SETBP1: variants seen among roughly 807,000 people sequenced by gnomAD.
The protein encoded by SETBP1 is SET-binding protein.
SETBP1 carries 9 observed loss-of-function variants against 101.0 expected under a neutral mutation model. That is an observed-to-expected ratio of 0.09 (90% CI 0.05 to 0.16). The LOEUF (loss-of-function observed/expected upper bound fraction) is 0.16. SETBP1 is among the 10% of genes least tolerant of loss of function. The pLI, the probability that SETBP1 is intolerant of heterozygous loss-of-function variation, is 1.00. For missense variants in SETBP1, 1,858 were observed against 2,033.8 expected (o/e 0.91, Z 1.66); for synonymous variants, 818 against 788.5 (o/e 1.04, Z -0.63).
At chr18:44,879,733 A>T (rs1369020763) in intron 3 of SETBP1, among the ~76,000 whole-genome samples, 1 of 152,106 alleles carries the variant, frequency 6.6e-6, no homozygotes, top group Non-Finnish European at 1.5e-5. Context: ...GCCCTAGGAG[A>T]GGAAGGAGGA....
intron 2 of SETBP1, among the ~76,000 whole-genome samples, chr18:44,814,335 G>C (rs1290823529): frequency 6.6e-6 from 1 of 152,224 alleles, no homozygotes; most frequent in East Asian, 1.9e-4. Context: ...GGGTTAGGAG[G>C]AGTTTTGGCC....
At chr18:44,774,528 T>A (rs1352934585) in intron 2 of SETBP1, among the ~76,000 whole-genome samples, 2 of 152,152 alleles carry the variant, frequency 1.3e-5, no homozygotes, top group Non-Finnish European at 2.9e-5. Context: ...ATCACTGCTA[T>A]AGGTGGTGAT....
chr18:44,949,543 A>T (rs16978239), intron 3 of SETBP1, among the ~76,000 whole-genome samples: 7,562 of 152,278 alleles, frequency 0.05, 659 homozygotes, highest in African/African-American at 0.17. Context: ...GTAAAAATGT[A>T]AAAAGGCACT....
At chr18:44,902,444 G>C (rs2070072625) in intron 3 of SETBP1, among the ~76,000 whole-genome samples, 1 of 130,056 alleles carries the variant, frequency 7.7e-6, no homozygotes, top group South Asian at 2.7e-4. Flanking sequence ...TGGAATTTCA[G>C]ATATCAGCTA....
chr18:44,804,551 T>C (rs2071686060), intron 2 of SETBP1, among the ~76,000 whole-genome samples: 1 of 152,100 alleles, frequency 6.6e-6, no homozygotes, highest in Admixed American at 6.6e-5. Context: ...ATCTGGGTTT[T>C]CCCCTCCCTT....
At chr18:44,719,894 G>T (rs1389606027) in intron 2 of SETBP1, among the ~76,000 whole-genome samples, 2 of 152,162 alleles carry the variant, frequency 1.3e-5, no homozygotes, top group African/African-American at 2.4e-5. Flanking sequence ...CACACAGCCT[G>T]CTGGCAGTGG....
At chr18:45,043,917 A>G (rs940748866) in intron 5 of SETBP1, among the ~76,000 whole-genome samples, 4 of 152,236 alleles carry the variant, frequency 2.6e-5, no homozygotes, top group African/African-American at 9.6e-5. Flanking sequence ...AAATTCTATG[A>G]TACTTGAGTT....
intron 1 of SETBP1, among the ~76,000 whole-genome samples, chr18:44,695,933 A>C (rs2069009693): frequency 6.6e-6 from 1 of 152,024 alleles, no homozygotes; most frequent in Non-Finnish European, 1.5e-5. Flanking sequence ...AAGTGGCAGA[A>C]CTAGGCCAGG....
At chr18:44,919,932 T>A (rs1233033610) in intron 3 of SETBP1, among the ~76,000 whole-genome samples, 1 of 152,208 alleles carries the variant, frequency 6.6e-6, no homozygotes, top group African/African-American at 2.4e-5. Flanking sequence ...TTTGTTTTCC[T>A]ATCTCCTTTC....
intron 4 of SETBP1, among the ~76,000 whole-genome samples, chr18:44,973,558 G>A (rs1412118187): frequency 6.6e-6 from 1 of 152,186 alleles, no homozygotes; most frequent in Non-Finnish European, 1.5e-5. Context: ...ACAGTGTGGG[G>A]CCATTGGGGG....
intron 2 of SETBP1, among the ~76,000 whole-genome samples, chr18:44,848,107 C>A (rs2072760996): frequency 7.0e-6 from 1 of 143,210 alleles, no homozygotes; most frequent in Admixed American, 7.0e-5. Flanking sequence ...GTGTGTGTAA[C>A]CTATGTAAAT....
chr18:44,812,472 C>G (rs2071884167), intron 2 of SETBP1, among the ~76,000 whole-genome samples: 1 of 152,100 alleles, frequency 6.6e-6, no homozygotes, highest in African/African-American at 2.4e-5. Flanking sequence ...TTTTCTCAAG[C>G]ACTTGTGGGT....
chr18:44,920,031 A>G (rs1187446304), intron 3 of SETBP1, among the ~76,000 whole-genome samples: 2 of 152,192 alleles, frequency 1.3e-5, no homozygotes, highest in Non-Finnish European at 2.9e-5. Flanking sequence ...ATAAGAGTAT[A>G]CTTCAGACTG....
At chr18:44,708,543 A>C (rs1161291829) in intron 2 of SETBP1, among the ~76,000 whole-genome samples, 1 of 152,210 alleles carries the variant, frequency 6.6e-6, no homozygotes, top group Non-Finnish European at 1.5e-5. Context: ...TTGTAGCTAA[A>C]GCAGCAGGGA....
In SETBP1 at chr18:44,952,619, T is replaced by G. The variant is rs779605812; in HGVS notation, c.3279T>G (p.Pro1093=). Residue 1093 remains proline (P), a synonymous_variant, in exon 4 of 6, where the codon CCT becomes CCG. Coordinates refer to ENST00000649279, the MANE Select transcript of SETBP1 (RefSeq NM_015559.3). ...TCATGAGGCCAACAGTGCCACCACC[T>G]CAGTTCCACACAAACTCCCACGTAA... ...SPFMRPTVPP[P]QFHTNSHVKM... is the part of the protein sequence containing the mutation. 1 of 1,612,644 alleles carries G rather than the reference T, an allele frequency of 6.2e-7. No homozygotes were observed. Among genetic ancestry groups the G allele is most frequent in the East Asian group, 2.2e-5 (1 of 44,794 alleles).
intron 5 of SETBP1, among the ~76,000 whole-genome samples, chr18:45,061,554 T>C (rs1348312287): frequency 6.6e-6 from 1 of 152,242 alleles, no homozygotes; most frequent in Non-Finnish European, 1.5e-5. Flanking sequence ...CCAAAAGCTG[T>C]AACATTTTGA....
At chr18:44,871,629 G>A (rs535602127) in intron 3 of SETBP1, 2 of 152,290 alleles carry the variant, frequency 1.3e-5, no homozygotes, top group African/African-American at 4.8e-5. Context: ...AGTAGTGACT[G>A]TATTGAGCTG....
intron 2 of SETBP1, among the ~76,000 whole-genome samples, chr18:44,758,742 A>T (rs913615059): frequency 4.6e-5 from 7 of 152,216 alleles, no homozygotes; most frequent in African/African-American, 1.7e-4. Context: ...GAACCATTGC[A>T]TGTCCTTGAC....
At chr18:45,046,589 T>C (rs1429291155) in intron 5 of SETBP1, among the ~76,000 whole-genome samples, 1 of 152,254 alleles carries the variant, frequency 6.6e-6, no homozygotes, top group African/African-American at 2.4e-5. Context: ...TGTGTCTTCC[T>C]TCACTCAGAA....
Sources: allele counts gnomAD v4.1 joint callset (sites outside exome capture counted in the v4.1 genomes callset), GRCh38; gene constraint gnomAD v4.1.1; transcripts MANE v1.5; gene names NCBI Gene and HGNC (gene_info 2026-07-23, HGNC 2026-07-21).